ZYG11B: variants seen among roughly 807,000 people sequenced by gnomAD.
ZYG11B encodes zyg-11 family member B, cell cycle regulator.
A neutral mutation model predicts 82.4 loss-of-function variants in ZYG11B; 36 were observed. The ratio of observed to expected loss-of-function variants is 0.44; its 90% CI spans 0.33 to 0.58. ZYG11B has a LOEUF of 0.58. Ranked by LOEUF, ZYG11B falls within the 20% of genes least tolerant of loss-of-function variation. ZYG11B has a pLI of 0.02. For synonymous variants in ZYG11B, 303 were observed against 312.8 expected (o/e 0.97, Z 0.33); for missense variants, 552 against 895.6 (o/e 0.62, Z 4.90).
At chr1:52,728,772 T>G (rs891615314) in intron 1 of ZYG11B, among the ~76,000 whole-genome samples, 2 of 152,128 alleles carry the variant, frequency 1.3e-5, no homozygotes, top group African/African-American at 4.8e-5. Context: ...GCCTGAAAGT[T>G]GAATAGGATT....
intron 1 of ZYG11B, among the ~76,000 whole-genome samples, chr1:52,734,707 ACT>A (rs549670710): frequency 6.7e-6 from 1 of 149,572 alleles, no homozygotes; most frequent in South Asian, 2.1e-4. Flanking sequence ...AATTGTACAC[ACT>A]CTCTGACCAA....
rs568002093 is a variant in ZYG11B at position 52,782,178 on chromosome 1, C to T, written c.1092+2185C>T. ...CCTCCCTCCTGGGCTCAAATGATCC[C>T]CCTTCCTCAGCCTCCAGAGTGGCTG... is the stretch of plus-strand genomic sequence containing the variant. On this transcript the variant is annotated intron_variant, in intron 4 of 13. Transcript: ENST00000294353. Among the ~76,000 whole-genome samples the T allele has an allele frequency of 2.0e-5, 3 of 150,812 alleles. No homozygotes were observed. In the South Asian group the frequency reaches 6.3e-4, roughly 32 times the overall value.
At chr1:52,769,409 A>G (rs1053061628) in intron 2 of ZYG11B, among the ~76,000 whole-genome samples, 1 of 152,234 alleles carries the variant, frequency 6.6e-6, no homozygotes, top group East Asian at 1.9e-4. Context: ...CCTGTAGTAT[A>G]TATAAAAAAT....
At chr1:52,800,414 A>G (rs1645066627) in intron 8 of ZYG11B, among the ~76,000 whole-genome samples, 1 of 152,166 alleles carries the variant, frequency 6.6e-6, no homozygotes, top group Non-Finnish European at 1.5e-5. Flanking sequence ...GTTTTAAAAA[A>G]TGACTTCTTA....
At chr1:52,741,298 C>CAAAAAAAA (rs770092920) in intron 1 of ZYG11B, among the ~76,000 whole-genome samples, 2,967 of 71,706 alleles carry the variant, frequency 0.041, 157 homozygotes, top group African/African-American at 0.073. Flanking sequence ...GACTTCGTCT[C>CAAAAAAAA]AAAAAAAAAA....
rs1266314902 is a variant in ZYG11B, at chr1:52,821,029, G to T, written c.2045-410G>T. ...CGCTTGAACCCAGGAGGCGGAGGCT[G>T]CAGTGAGTCGAGATTGCGCCACTGT... On this transcript the variant is annotated intron_variant, in intron 13 of 13. Transcript: ENST00000294353. Among the ~76,000 whole-genome samples, 5 of 151,336 alleles carry T rather than the reference G, an allele frequency of 3.3e-5. No homozygotes were observed. In the East Asian group the frequency reaches 9.7e-4, roughly 29 times the overall value.
chr1:52,772,183 C>T lies in ZYG11B; in HGVS notation c.951+409C>T, dbSNP rs372188274. On this transcript the variant is annotated intron_variant, in intron 3 of 13. Coordinates refer to ENST00000294353, the MANE Select transcript of ZYG11B (RefSeq NM_024646.3). Reference sequence around the variant, plus strand: ...AAACAATCATTTTATTGCTTGAGTACACAGACAAATTTATGCGACCAGGGC... The same window carrying T: ...AAACAATCATTTTATTGCTTGAGTATACAGACAAATTTATGCGACCAGGGC... 125 of 1,461,846 alleles carry T rather than the reference C, an allele frequency of 8.6e-5. No homozygotes were observed. In the South Asian group the frequency reaches 1.3e-3, roughly 15 times the overall value. 90.6% of individuals were successfully genotyped at this position (1,461,846 alleles called of 1,614,324 possible). A position where few individuals can be genotyped will look rare whatever the true frequency, so the allele number is the denominator to read the frequency against.
chr1:52,817,781 A>ATATATATATATATATG lies in ZYG11B; in HGVS notation c.2044+1167_2044+1168insGTATATATATATATAT, dbSNP rs1558145206. Among the ~76,000 whole-genome samples, 10 of 21,504 alleles carry ATATATATATATATATG rather than the reference A, an allele frequency of 4.7e-4. 2 individuals carry two copies. The East Asian group carries it at 6.1e-3, about 13-fold the overall frequency. 14.1% of individuals were successfully genotyped at this position (21,504 alleles called of 152,430 possible). On this transcript the variant is annotated intron_variant, in intron 13 of 13. Transcript: ENST00000294353. ...GTAAAGTGTGTATATATATGTGTAT[A>ATATATATATATATATG]TATATATATATATATATATATATAT...
At chr1:52,742,728 G>A (rs1192197162) in intron 1 of ZYG11B, among the ~76,000 whole-genome samples, 1 of 151,786 alleles carries the variant, frequency 6.6e-6, no homozygotes, top group African/African-American at 2.4e-5. Context: ...TGTAGTCCCA[G>A]CTTCTCGGGA....
intron 1 of ZYG11B, among the ~76,000 whole-genome samples, chr1:52,735,167 A>C (rs2149918252): frequency 6.6e-6 from 1 of 151,128 alleles, no homozygotes; most frequent in African/African-American, 2.4e-5. Context: ...AGTAGCTGGG[A>C]TTACAGGCAT....
chr1:52,796,257 A>G (rs995955120), intron 6 of ZYG11B, 35 bp from the exon 7 acceptor site: 3 of 1,553,688 alleles, frequency 1.9e-6, no homozygotes, highest in South Asian at 1.1e-5. Flanking sequence ...CTGGGCCTCC[A>G]CGATTAATTC....
At chr1:52,757,019 T>G (rs1414593011) in intron 2 of ZYG11B, among the ~76,000 whole-genome samples, 2 of 151,366 alleles carry the variant, frequency 1.3e-5, no homozygotes, top group Non-Finnish European at 2.9e-5. Flanking sequence ...GGGCAAACGT[T>G]TTTTGACTTT....
intron 3 of ZYG11B, among the ~76,000 whole-genome samples, chr1:52,775,259 T>A (rs1403144891): frequency 6.6e-6 from 1 of 152,186 alleles, no homozygotes; most frequent in Admixed American, 6.5e-5. Context: ...GTCAGACTCC[T>A]ATATTGAACT....
chr1:52,817,793 A>ATATATG (rs1645242311), intron 13 of ZYG11B, among the ~76,000 whole-genome samples: 1 of 44,538 alleles, frequency 2.2e-5, no homozygotes, highest in Admixed American at 2.3e-4. Flanking sequence ...ATATATATAT[A>ATATATG]TATATATATA....
At chr1:52,769,636 C>G (rs973843755) in intron 2 of ZYG11B, among the ~76,000 whole-genome samples, 1 of 152,126 alleles carries the variant, frequency 6.6e-6, no homozygotes, top group Non-Finnish European at 1.5e-5. Context: ...TTTGCACAGG[C>G]CTTTCTTGAT....
chr1:52,799,537 G>A (rs922149415), intron 8 of ZYG11B, among the ~76,000 whole-genome samples: 3 of 150,572 alleles, frequency 2.0e-5, no homozygotes, highest in Admixed American at 6.6e-5. Context: ...AGTGGCCCAC[G>A]CCTGTAATTT....
chr1:52,820,713 TTAAA>T (rs764172557), intron 13 of ZYG11B, among the ~76,000 whole-genome samples: 2,057 of 120,890 alleles, frequency 0.017, 43 homozygotes, highest in Middle Eastern at 0.12. Flanking sequence ...GAGACTGTCT[TTAAA>T]AAAAAAAAAA....
Position 52,784,996 on chromosome 1 carries a change from G to GGCT in ZYG11B, c.1214_1216dup (p.Ala405dup). On this transcript the variant is annotated inframe_insertion, in exon 5 of 14. Coordinates refer to ENST00000294353, the MANE Select transcript of ZYG11B (RefSeq NM_024646.3). ...CTGCAGGGATGCCTGTCCGACTCCT[G>GGCT]GCTGATGTGACCCATTTGCTGCTCA... The GGCT allele has an allele frequency of 6.2e-7, 1 of 1,614,082 alleles. No homozygotes were observed. Among genetic ancestry groups the GGCT allele is most frequent in the Non-Finnish European group, 8.5e-7 (1 of 1,180,000 alleles).
chr1:52,757,171 C>G (rs1644585686), intron 2 of ZYG11B, among the ~76,000 whole-genome samples: 1 of 151,754 alleles, frequency 6.6e-6, no homozygotes, highest in East Asian at 1.9e-4. Context: ...TATAGCTTGG[C>G]TAATTTTTTT....
Sources: allele counts gnomAD v4.1 joint callset (sites outside exome capture counted in the v4.1 genomes callset), GRCh38; gene constraint gnomAD v4.1.1; transcripts MANE v1.5; gene names NCBI Gene and HGNC (gene_info 2026-07-23, HGNC 2026-07-21).